The following TAF8 variants were observed in gnomAD, a reference collection of about 807,000 sequenced individuals.
The protein encoded by TAF8 is transcription initiation factor TFIID subunit 8.
A neutral mutation model predicts 36.5 loss-of-function variants in TAF8; 47 were observed. The ratio of observed to expected loss-of-function variants is 1.29; its 90% CI spans 1.02 to 1.64. TAF8 has a LOEUF of 1.64. Ranked by LOEUF, TAF8 falls within the 40% of genes most tolerant of loss-of-function variation. The probability of loss-of-function intolerance (pLI) is 0.00; values close to 1 mark genes in which losing one functional copy is unlikely to be tolerated. For synonymous variants in TAF8, 175 were observed against 159.5 expected (o/e 1.10, Z -0.73); for missense variants, 420 against 407.6 (o/e 1.03, Z -0.26).
chr6:42,062,799 C>T (rs1157334849), intron 5 of TAF8, among the ~76,000 whole-genome samples: 2 of 151,972 alleles, frequency 1.3e-5, no homozygotes, highest in Non-Finnish European at 2.9e-5. Context: ...CTTGGCCTCC[C>T]AAAGTTTTGG....
In TAF8 at chr6:42,057,566, C is replaced by T. The variant is rs751071587; in HGVS notation, c.489+53C>T. 11 of 1,600,206 alleles carry T rather than the reference C, an allele frequency of 6.9e-6. No homozygotes were observed. In the African/African-American group the frequency reaches 1.2e-4, roughly 18 times the overall value. ...GTGGTGTAAAGCACGGAGTCAGTTC[C>T]TACTGACTGTCACGTGGCAGAGTCC... On this transcript the variant is annotated intron_variant, in intron 5 of 8. Coordinates refer to ENST00000372977, the MANE Select transcript of TAF8 (RefSeq NM_138572.3).
rs557093560 is a variant in TAF8, at chr6:42,062,309, AAG to A, written c.490-4001_490-4000del. Reference sequence around the variant, plus strand: ...CCACCAAACAGTAGGTCAATTTTCTAAGAAAACCCTGTTATTCAGACACGTGG... The same window carrying A: ...CCACCAAACAGTAGGTCAATTTTCTAAAAACCCTGTTATTCAGACACGTGG... On this transcript the variant is annotated intron_variant, in intron 5 of 8. Transcript: ENST00000372977. 2.6e-3 allele frequency among the ~76,000 whole-genome samples: 389 copies of A among 152,238 alleles called. 3 individuals carry two copies. The highest frequency in any genetic ancestry group is 8.5e-3 in the African/African-American group (353 of 41,564).
At position 42,050,591 on chromosome 6, in the gene TAF8, G is replaced by A. The variant is rs756688392; in HGVS notation, c.45+5G>A. 1.2e-5 allele frequency: 19 copies of A among 1,550,896 alleles called. No homozygotes were observed. The highest frequency in any genetic ancestry group is 4.1e-5 in the Admixed American group (2 of 49,064). Reference sequence around the variant, plus strand: ...GGGGCCGGTGGCTCCGGAACGGTAAGGGCAGGAAGCGCGGGCTCGGAGCCG... The same window carrying A: ...GGGGCCGGTGGCTCCGGAACGGTAAAGGCAGGAAGCGCGGGCTCGGAGCCG... On this transcript the variant is annotated splice_donor_5th_base_variant and intron_variant, in intron 1 of 8. Transcript: ENST00000372977.
intron 5 of TAF8, among the ~76,000 whole-genome samples, chr6:42,065,636 C>T (rs188240693): frequency 6.2e-4 from 95 of 152,290 alleles, no homozygotes; most frequent in Non-Finnish European, 9.3e-4. Flanking sequence ...GGTCACATTG[C>T]GCTGATGGAA....
downstream of TAF8, among the ~76,000 whole-genome samples, chr6:42,084,137 T>C (rs1765991659): frequency 7.1e-6 from 1 of 140,030 alleles, no homozygotes; most frequent in South Asian, 2.2e-4. Flanking sequence ...GCCGAGATTG[T>C]GCCACTGCAC....
intron 3 of TAF8, 33 bp from the exon 4 acceptor site, chr6:42,055,919 C>T (rs1300623916): frequency 1.4e-6 from 2 of 1,430,964 alleles, no homozygotes; most frequent in Admixed American, 1.7e-5. Flanking sequence ...ATCCAGTGGT[C>T]TGGGCAGTGA....
At chr6:42,053,964 C>T (rs554922787) in intron 2 of TAF8, among the ~76,000 whole-genome samples, 1 of 152,288 alleles carries the variant, frequency 6.6e-6, no homozygotes, top group African/African-American at 2.4e-5. Context: ...TGGTAGGTCT[C>T]TTGTTAGACA....
chr6:42,079,946 A>G lies in TAF8; in HGVS notation c.*2401A>G, dbSNP rs1299632561. Reference sequence around the variant, plus strand: ...CTCCATGTTCTTCTGGCCTCACTGTACTGTGTAAGGAAAGAGCTGCTTGTC... The same window carrying G: ...CTCCATGTTCTTCTGGCCTCACTGTGCTGTGTAAGGAAAGAGCTGCTTGTC... On this transcript the variant is annotated 3_prime_UTR_variant, in exon 9 of 9. Coordinates refer to ENST00000372977, the MANE Select transcript of TAF8 (RefSeq NM_138572.3). 1 of 985,080 alleles carries G rather than the reference A, an allele frequency of 1.0e-6. No homozygotes were observed. The highest frequency in any genetic ancestry group is 1.2e-6 in the Non-Finnish European group (1 of 829,888). 61.0% of individuals were successfully genotyped at this position (985,080 alleles called of 1,614,324 possible).
At position 42,080,539 on chromosome 6, in the gene TAF8, A is replaced by AT. The variant is rs1219808616; in HGVS notation, c.*3002dup. On this transcript the variant is annotated 3_prime_UTR_variant, in exon 9 of 9. Coordinates refer to ENST00000372977, the MANE Select transcript of TAF8 (RefSeq NM_138572.3). The stretch of plus-strand genomic sequence containing the variant: ...AGGCACCTACCACAATTCTCGGCTA[A>AT]TTTTTTTTGTATTTTTGGTAGAGAC... The AT allele has an allele frequency of 7.0e-5, 34 of 486,410 alleles. No homozygotes were observed. The highest frequency in any genetic ancestry group is 1.0e-3 in the Middle Eastern group (1 of 990). The allele number at this position is 486,410 out of a possible 1,614,324, so 30.1% of individuals were successfully genotyped here. A position where few individuals can be genotyped will look rare whatever the true frequency, so the allele number is the denominator to read the frequency against.
intron 7 of TAF8, among the ~76,000 whole-genome samples, chr6:42,071,034 T>C (rs1346329263): frequency 6.6e-6 from 1 of 152,186 alleles, no homozygotes; most frequent in Non-Finnish European, 1.5e-5. Context: ...AGCCCCCTCT[T>C]GTTCCTGCAC....
chr6:42,051,454 CA>C lies in TAF8; in HGVS notation c.144del (p.Phe50LeufsTer12), dbSNP rs775738694. 1 of 1,614,070 alleles carries C rather than the reference CA, an allele frequency of 6.2e-7. No homozygotes were observed. The highest frequency in any genetic ancestry group is 1.1e-5 in the South Asian group (1 of 91,078). On this transcript the variant is annotated frameshift_variant, in exon 2 of 9. Coordinates refer to ENST00000372977, the MANE Select transcript of TAF8 (RefSeq NM_138572.3). LOFTEE classifies it high-confidence loss of function. ...GTTGTGAGCTCCTTGCTGACAGAGG[CA>C]GGGTTTGAGAGTGCCGAGAAAGCAT... Reference protein sequence around the residue: ...QVVVSSLLTEAGFESAEKASV... With the variant: ...QVVVSSLLTEXGFESAEKASV...
chr6:42,054,213 T>G (rs558412223), intron 2 of TAF8, among the ~76,000 whole-genome samples: 2 of 151,990 alleles, frequency 1.3e-5, no homozygotes, highest in East Asian at 3.9e-4. Flanking sequence ...TTAGAAACCT[T>G]TCCCCTTTCC....
At chr6:42,067,866 T>G (rs1171586220) in intron 6 of TAF8, among the ~76,000 whole-genome samples, 1 of 152,180 alleles carries the variant, frequency 6.6e-6, no homozygotes, top group Non-Finnish European at 1.5e-5. Flanking sequence ...CACCCGGCCT[T>G]CTTTCTTTTA....
rs145160449 is a variant in TAF8 at position 42,074,205 on chromosome 6, G to A, written c.781-2895G>A. The stretch of plus-strand genomic sequence containing the variant: ...GAAGGATGGAGTTGCCATCACTTGT[G>A]ATGGGAGGGACTGAGAAGCGCCGTT... On this transcript the variant is annotated intron_variant, in intron 7 of 8. Coordinates refer to ENST00000372977, the MANE Select transcript of TAF8 (RefSeq NM_138572.3). Among the ~76,000 whole-genome samples, 15 of 152,294 alleles carry A rather than the reference G, an allele frequency of 9.8e-5. 1 individual carries two copies. In the East Asian group the frequency reaches 2.5e-3, roughly 25 times the overall value.
Position 42,056,013 on chromosome 6 carries a change from T to TCG in TAF8, c.364_364+1dup. On this transcript the variant is annotated frameshift_variant and splice_region_variant, in exon 4 of 9. Coordinates refer to ENST00000372977, the MANE Select transcript of TAF8 (RefSeq NM_138572.3). LOFTEE classifies it high-confidence loss of function. The stretch of plus-strand genomic sequence containing the variant: ...GGTCTCAGAGGATGGTCATCACTGC[T>TCG]CGTAAGTGACTTTGAACTGAGGTAC... The TCG allele has an allele frequency of 6.2e-7, 1 of 1,605,806 alleles. No homozygotes were observed. Among genetic ancestry groups the TCG allele is most frequent in the Non-Finnish European group, 8.5e-7 (1 of 1,172,384 alleles).
intron 7 of TAF8, among the ~76,000 whole-genome samples, chr6:42,074,926 C>G (rs1765693554): frequency 6.6e-6 from 1 of 151,786 alleles, no homozygotes; most frequent in Non-Finnish European, 1.5e-5. Flanking sequence ...TTCTATGAGG[C>G]CTGCTTGGGA....
chr6:42,084,129 C>T (rs1417873540), downstream of TAF8, among the ~76,000 whole-genome samples: 2 of 143,672 alleles, frequency 1.4e-5, no homozygotes, highest in Non-Finnish European at 3.0e-5. Context: ...TGCACTGAGC[C>T]GAGATTGTGC....
chr6:42,079,714 A>AT lies in TAF8; in HGVS notation c.*2169_*2170insT, dbSNP rs1765864011. 2 of 498,090 alleles carry AT rather than the reference A, an allele frequency of 4.0e-6. No individual in the cohort carries two copies. Among genetic ancestry groups the AT allele is most frequent in the Non-Finnish European group, 5.1e-6 (2 of 394,774 alleles). 30.9% of individuals were successfully genotyped at this position (498,090 alleles called of 1,614,324 possible). A position where few individuals can be genotyped will look rare whatever the true frequency, so the allele number is the denominator to read the frequency against. ...CAGATGCCCGCCACCACATCTGGCT[A>AT]ATTTTTTTTTTTTTTTTTTAGTAGA... On this transcript the variant is annotated 3_prime_UTR_variant, in exon 9 of 9. Coordinates refer to ENST00000372977, the MANE Select transcript of TAF8 (RefSeq NM_138572.3).
chr6:42,070,226 C>T (rs1193432508), intron 7 of TAF8, among the ~76,000 whole-genome samples: 4 of 152,088 alleles, frequency 2.6e-5, no homozygotes, highest in African/African-American at 4.8e-5. Context: ...CGGTGGCTCA[C>T]GTCTGTAATC....
Sources: gnomAD v4.1 joint callset for allele counts (sites outside exome capture counted in the v4.1 genomes callset) on GRCh38, gnomAD v4.1.1 for gene constraint, MANE v1.5 for transcripts, NCBI Gene and HGNC (gene_info 2026-07-23, HGNC 2026-07-21) for gene names.